TRIO: variants seen among roughly 807,000 people sequenced by gnomAD.
TRIO encodes the protein triple functional domain protein.
A neutral mutation model predicts 351.9 loss-of-function variants in TRIO; 58 were observed. The ratio of observed to expected loss-of-function variants is 0.16; its 90% CI spans 0.13 to 0.21. TRIO has a LOEUF of 0.21. TRIO is among the 10% of genes least tolerant of loss of function. TRIO has a pLI of 1.00. For missense variants in TRIO, 3,201 were observed against 4,027.8 expected (o/e 0.79, Z 5.56); for synonymous variants, 1,758 against 1,595.7 (o/e 1.10, Z -2.42).
At chr5:14,297,906 T>C (rs1737505504) in intron 7 of TRIO, among the ~76,000 whole-genome samples, 1 of 152,142 alleles carries the variant, frequency 6.6e-6, no homozygotes, top group Non-Finnish European at 1.5e-5. Context: ...GCTGTAGCTG[T>C]CTTTGCCTGC....
intron 1 of TRIO, among the ~76,000 whole-genome samples, chr5:14,155,592 G>C (rs1325956913): frequency 6.6e-6 from 1 of 152,160 alleles, no homozygotes; most frequent in Non-Finnish European, 1.5e-5. Flanking sequence ...TACCCTGATA[G>C]TTTTGACGAT....
intron 55 of TRIO, 52 bp from the exon 56 acceptor site, chr5:14,507,070 A>G: frequency 6.6e-7 from 1 of 1,524,612 alleles, no homozygotes; most frequent in Non-Finnish European, 8.8e-7. Context: ...TAGCCCAAAG[A>G]GGTCTTCAAA....
intron 1 of TRIO, among the ~76,000 whole-genome samples, chr5:14,170,037 GA>G (rs1284947691): frequency 2.6e-5 from 4 of 152,202 alleles, no homozygotes; most frequent in African/African-American, 9.7e-5. Flanking sequence ...GGGAAAAGGT[GA>G]AAGAAGTTCT....
At position 14,471,299 on chromosome 5, in the gene TRIO, T is replaced by G. The variant is rs774533666; in HGVS notation, c.5764-19T>G. On this transcript the variant is annotated intron_variant, in intron 37 of 56. Coordinates refer to ENST00000344204, the MANE Select transcript of TRIO (RefSeq NM_007118.4). ...GGCTGTGGGCAGTAAGTGTTGTTGATTATGTCAATTTCTTCCAGGCACTGG... is the reference window on the plus strand; with the variant it reads ...GGCTGTGGGCAGTAAGTGTTGTTGAGTATGTCAATTTCTTCCAGGCACTGG... The G allele has an allele frequency of 1.2e-6, 2 of 1,612,668 alleles. No homozygotes were observed. The highest frequency in any genetic ancestry group is 8.5e-7 in the Non-Finnish European group (1 of 1,179,144).
At chr5:14,405,060 A>G (rs74543621) in intron 31 of TRIO, among the ~76,000 whole-genome samples, 1 of 146,478 alleles carries the variant, frequency 6.8e-6, no homozygotes, top group Non-Finnish European at 1.5e-5. Context: ...ATGCAGAAAG[A>G]AAAAAAAAAC....
intron 10 of TRIO, among the ~76,000 whole-genome samples, chr5:14,334,049 T>A (rs1741164561): frequency 6.6e-6 from 1 of 152,230 alleles, no homozygotes; most frequent in African/African-American, 2.4e-5. Context: ...ACTGGTTGTT[T>A]TAACAATCCC....
chr5:14,392,541 C>T (rs1247268636), intron 27 of TRIO, among the ~76,000 whole-genome samples: 3 of 152,154 alleles, frequency 2.0e-5, no homozygotes, highest in African/African-American at 7.2e-5. Context: ...GGATCTAGAA[C>T]CAGAAATGCC....
At chr5:14,491,121 G>C (rs1449564201) in intron 48 of TRIO, among the ~76,000 whole-genome samples, 1 of 152,126 alleles carries the variant, frequency 6.6e-6, no homozygotes, top group East Asian at 1.9e-4. Flanking sequence ...CATAGCCCTG[G>C]CACCTGGAAT....
intron 48 of TRIO, 111 bp from the exon 49 acceptor site, chr5:14,492,449 CTGGTGAG>C: frequency 7.1e-7 from 1 of 1,402,282 alleles, no homozygotes; most frequent in Non-Finnish European, 9.7e-7. Context: ...CGGTGCTTGC[CTGGTGAG>C]CCCTGCACGG....
chr5:14,304,433 A>G (rs747416894), intron 7 of TRIO, 28 bp from the exon 8 acceptor site: 3 of 1,588,498 alleles, frequency 1.9e-6, no homozygotes, highest in East Asian at 4.5e-5. Context: ...TGTCATTGAT[A>G]GAAATAATCT....
chr5:14,171,231 G>A (rs918068352), intron 1 of TRIO, among the ~76,000 whole-genome samples: 9 of 152,108 alleles, frequency 5.9e-5, no homozygotes, highest in African/African-American at 2.2e-4. Context: ...CACGCAATGA[G>A]TTATTACATT....
At position 14,490,750 on chromosome 5, in the gene TRIO, T is replaced by C. The variant is rs960427347; in HGVS notation, c.7633-1817T>C. 24 of 454,458 alleles carry C rather than the reference T, an allele frequency of 5.3e-5. No individual in the cohort carries two copies. The East Asian group carries it at 1.3e-3, about 25-fold the overall frequency. 28.2% of individuals were successfully genotyped at this position (454,458 alleles called of 1,614,324 possible). On this transcript the variant is annotated intron_variant, in intron 48 of 56. Transcript: ENST00000344204. ...GCCCAGAAAATACTAATAGTTAGGA[T>C]TGTAGTAGCAAAATACTCTAATTAT...
chr5:14,396,419 T>TAATAATTAAATAATTATTA (rs1747585773), intron 28 of TRIO, among the ~76,000 whole-genome samples: 2 of 141,778 alleles, frequency 1.4e-5, no homozygotes, highest in African/African-American at 2.5e-5. Flanking sequence ...GTGTGTTACA[T>TAATAATTAAATAATTATTA]AATAATTAAA....
At chr5:14,150,030 A>G (rs1387963218) in intron 1 of TRIO, among the ~76,000 whole-genome samples, 3 of 152,000 alleles carry the variant, frequency 2.0e-5, no homozygotes, top group Non-Finnish European at 4.4e-5. Context: ...CGCTCTGTGG[A>G]CCCCTTTCCT....
intron 21 of TRIO, among the ~76,000 whole-genome samples, chr5:14,382,492 G>A (rs192264015): frequency 1.4e-4 from 21 of 152,252 alleles, no homozygotes; most frequent in African/African-American, 4.6e-4. Flanking sequence ...GGCATGGGGG[G>A]CGCAGCAAGA....
At position 14,466,373 on chromosome 5, in the gene TRIO, G is replaced by A. The variant is rs553661245; in HGVS notation, c.5763+733G>A. ...GGGTTCACAATGTGTGAGAGAGAAG[G>A]GTTTACATTATTATATAAGGGCTTC... On this transcript the variant is annotated intron_variant, in intron 37 of 56. Transcript: ENST00000344204. 2.8e-5 allele frequency: 4 copies of A among 143,698 alleles called. No individual in the cohort carries two copies. In the South Asian group the frequency reaches 9.3e-4, roughly 33 times the overall value. The allele number at this position is 143,698 out of a possible 1,614,324, so 8.9% of individuals were successfully genotyped here. A position where few individuals can be genotyped will look rare whatever the true frequency, so the allele number is the denominator to read the frequency against.
At chr5:14,350,670 T>C (rs1489916690) in intron 11 of TRIO, among the ~76,000 whole-genome samples, 1 of 152,182 alleles carries the variant, frequency 6.6e-6, no homozygotes, top group Non-Finnish European at 1.5e-5. Flanking sequence ...GCCCCTGTGT[T>C]TCTTCTGCTT....
chr5:14,167,131 G>A (rs898807468), intron 1 of TRIO, among the ~76,000 whole-genome samples: 1 of 151,016 alleles, frequency 6.6e-6, no homozygotes, highest in Non-Finnish European at 1.5e-5. Context: ...CCATTATCAG[G>A]TTTCCTTTGA....
At chr5:14,198,328 G>A (rs999675972) in intron 1 of TRIO, among the ~76,000 whole-genome samples, 1 of 152,142 alleles carries the variant, frequency 6.6e-6, no homozygotes, top group South Asian at 2.1e-4. Context: ...TTGATGTGGT[G>A]AAGCATCTTT....
Sources: allele counts gnomAD v4.1 joint callset (sites outside exome capture counted in the v4.1 genomes callset), GRCh38; gene constraint gnomAD v4.1.1; transcripts MANE v1.5; gene names NCBI Gene and HGNC (gene_info 2026-07-23, HGNC 2026-07-21).